Variants in DNAH9 observed in about 807,000 individuals in gnomAD.
DNAH9 encodes DNAH9 variant protein.
Under a neutral mutation model 471.6 loss-of-function variants are expected in DNAH9, and 345 were observed. The observed-to-expected ratio is 0.73, with a 90% confidence interval of 0.67 to 0.80. DNAH9 has a LOEUF of 0.80. Among genes scored for constraint, DNAH9 ranks in the 30% least tolerant of loss-of-function variants. The pLI is 0.00. For synonymous variants in DNAH9, 2,093 were observed against 2,123.6 expected (o/e 0.99, Z 0.40); for missense variants, 5,407 against 5,609.2 (o/e 0.96, Z 1.15).
rs377230182 is a variant in DNAH9, at chr17:11,934,005, A to G, written c.12423A>G (p.Glu4141=). Reference sequence around the variant, plus strand: ...AATTCATTCGACCAGAAATGTTAGAAGGAGAACTGTCTTTGGCCCCAGGGT... The same window carrying G: ...AATTCATTCGACCAGAAATGTTAGAGGGAGAACTGTCTTTGGCCCCAGGGT... ...LGEFIRPEML[E]GELSLAPGFP... Residue 4141 remains glutamate, a synonymous_variant, in exon 65 of 69, where the codon GAA becomes GAG. Transcript: ENST00000262442. 2.5e-6 allele frequency: 4 copies of G among 1,614,000 alleles called. No homozygotes were observed. The African/African-American group carries it at 5.3e-5, about 22-fold the overall frequency.
intron 38 of DNAH9, among the ~76,000 whole-genome samples, chr17:11,771,968 A>C (rs1366243514): frequency 6.6e-6 from 1 of 152,202 alleles, no homozygotes; most frequent in African/African-American, 2.4e-5. Context: ...GGCACAGAGA[A>C]GTTAAACAAG....
At position 11,937,226 on chromosome 17, in the gene DNAH9, G is replaced by T. The variant is rs915497839; in HGVS notation, c.12490-126G>T. 2.2e-5 allele frequency: 26 copies of T among 1,182,810 alleles called. No individual in the cohort carries two copies. The African/African-American group carries it at 3.7e-4, about 17-fold the overall frequency. 73.3% of individuals were successfully genotyped at this position (1,182,810 alleles called of 1,614,324 possible). On this transcript the variant is annotated intron_variant, in intron 65 of 68. Transcript: ENST00000262442. The surrounding 1 kb of genome is among the most constrained non-coding windows in gnomAD (Gnocchi z 4.1). ...GGAGAGGGTGATGAAGTCAACCAGG[G>T]ATGGTGAGCAGTGTCCCCTGGAGGA...
At chr17:11,738,835 TAA>T in intron 28 of DNAH9, 43 bp from the exon 29 acceptor site, 1 of 1,590,914 alleles carries the variant, frequency 6.3e-7, no homozygotes, top group Non-Finnish European at 8.6e-7. Context: ...ATCCCTCCAC[TAA>T]AAGGCAATTG....
Position 11,598,843 on chromosome 17 carries a change from C to G in DNAH9, c.345C>G (p.Ser115Arg). ...GGCCCGAGCCTCCAGGGCCCGACAG[C>G]TTCCGCGGCGCAGTGGTCTGCGGGG... ...RTGPEPPGPD[S>R]FRGAVVCGDL... is the part of the protein sequence containing the mutation. The change falls in exon 1 of 69, where the codon AGC becomes AGG. Residue 115 changes from serine (S) to arginine (R), a missense_variant. By Grantham distance (110) the Ser-to-Arg change is moderately radical. Around this residue, in one of 3 missense-constraint regions of DNAH9, gnomAD observed 767 missense variants for 692.5 expected, o/e 1.11. Coordinates refer to ENST00000262442, the MANE Select transcript of DNAH9 (RefSeq NM_001372.4). The G allele has an allele frequency of 1.3e-6, 2 of 1,523,168 alleles. No individual in the cohort carries two copies. The highest frequency in any genetic ancestry group is 1.8e-6 in the Non-Finnish European group (2 of 1,140,560). 94.4% of individuals were successfully genotyped at this position (1,523,168 alleles called of 1,614,324 possible).
At chr17:11,901,139 C>CAGGGTG (rs1973397054) in intron 59 of DNAH9, among the ~76,000 whole-genome samples, 1 of 152,144 alleles carries the variant, frequency 6.6e-6, no homozygotes, top group Admixed American at 6.5e-5. Context: ...GGGGTGGGGC[C>CAGGGTG]AGGGTGAGGG....
In DNAH9 at chr17:11,669,538, C is replaced by T; in HGVS notation, c.3097C>T (p.His1033Tyr). 2 of 1,614,152 alleles carry T rather than the reference C, an allele frequency of 1.2e-6. 1 individual carries two copies. The highest frequency in any genetic ancestry group is 2.2e-5 in the South Asian group (2 of 91,072). The change falls in exon 17 of 69, where the codon CAC (histidine) becomes TAC (tyrosine). Residue 1033 changes from histidine (H) to tyrosine (Y), a missense_variant. His to Tyr is a moderately conservative substitution (Grantham distance 83). Coordinates refer to ENST00000262442, the MANE Select transcript of DNAH9 (RefSeq NM_001372.4). ...EVLGQFLLYG[H>Y]ILTPEEIEDH... is the part of the protein sequence containing the mutation. ...TCTGGGTCAGTTTCTGCTGTACGGG[C>T]ACATCCTCACTCCGGAAGAAATTGA...
chr17:11,853,636 A>G (rs57569711), intron 49 of DNAH9, among the ~76,000 whole-genome samples: 1 of 152,244 alleles, frequency 6.6e-6, no homozygotes, highest in Non-Finnish European at 1.5e-5. Context: ...CTTCAATCCA[A>G]GATGGAAATT....
chr17:11,723,772 A>G (rs1459352098), intron 27 of DNAH9, among the ~76,000 whole-genome samples: 1 of 151,706 alleles, frequency 6.6e-6, no homozygotes, highest in African/African-American at 2.4e-5. Context: ...GGTTCACGTC[A>G]TTCTCCTGCC....
chr17:11,884,982 C>T (rs77251616), intron 56 of DNAH9, among the ~76,000 whole-genome samples: 5,028 of 151,882 alleles, frequency 0.033, 278 homozygotes, highest in African/African-American at 0.11. Flanking sequence ...TGCTGTGTGC[C>T]GAGGGTTGTA....
At chr17:11,823,929 CAA>C (rs369941815) in intron 48 of DNAH9, among the ~76,000 whole-genome samples, 11 of 128,610 alleles carry the variant, frequency 8.6e-5, no homozygotes, top group Non-Finnish European at 1.0e-4. Flanking sequence ...GACTCCATCT[CAA>C]AAAAAAAAAA....
intron 49 of DNAH9, among the ~76,000 whole-genome samples, chr17:11,842,636 G>A (rs939683528): frequency 3.9e-5 from 6 of 152,192 alleles, no homozygotes; most frequent in African/African-American, 1.4e-4. Context: ...AGAGTCCAAA[G>A]CCTGAAGAAC....
rs1169616506 is a variant in DNAH9 at position 11,619,676 on chromosome 17, C to T, written c.1245C>T (p.Leu415=). 2 of 1,613,874 alleles carry T rather than the reference C, an allele frequency of 1.2e-6. No homozygotes were observed. The highest frequency in any genetic ancestry group is 1.1e-5 in the South Asian group (1 of 91,074). Residue 415 remains leucine, a synonymous_variant, in exon 6 of 69, where the codon CTC becomes CTT. Coordinates refer to ENST00000262442, the MANE Select transcript of DNAH9 (RefSeq NM_001372.4). ...AGTTTCAGGACAGAAGGGAGAATCT[C>T]CACACTTACTTCAAAGAGAACCAGG... ...KQEFQDRREN[L]HTYFKENQEV...
At position 11,783,642 on chromosome 17, in the gene DNAH9, C is replaced by T; in HGVS notation, c.7719-4C>T. 6.2e-7 allele frequency: 1 copy of T among 1,612,844 alleles called. No individual in the cohort carries two copies. Among genetic ancestry groups the T allele is most frequent in the East Asian group, 2.2e-5 (1 of 44,858 alleles). On this transcript the variant is annotated splice_region_variant and splice_polypyrimidine_tract_variant and intron_variant, in intron 39 of 68. Transcript: ENST00000262442. ...CTTTCACCTAGAGCTTCTGACTGTT[C>T]CAGGTATGATCGGAGCAAGCTGTCC...
intron 59 of DNAH9, among the ~76,000 whole-genome samples, chr17:11,898,917 G>A (rs958838611): frequency 6.6e-6 from 1 of 152,086 alleles, no homozygotes; most frequent in African/African-American, 2.4e-5. Flanking sequence ...TTGCTTTTTT[G>A]TTTTGTTTTG....
chr17:11,887,165 G>A (rs1333981101), intron 57 of DNAH9, among the ~76,000 whole-genome samples, 200 bp downstream of exon 57: 1 of 152,110 alleles, frequency 6.6e-6, no homozygotes, highest in Non-Finnish European at 1.5e-5. Flanking sequence ...TGACTCACGG[G>A]TAATTTTGAC....
intron 14 of DNAH9, among the ~76,000 whole-genome samples, chr17:11,662,238 T>C (rs933927433): frequency 3.3e-5 from 5 of 152,198 alleles, no homozygotes; most frequent in Admixed American, 6.5e-5. Context: ...TAGATTCTTT[T>C]TTAATCTTTG....
chr17:11,756,051 C>T (rs183615981), intron 33 of DNAH9, among the ~76,000 whole-genome samples: 22 of 152,048 alleles, frequency 1.4e-4, no homozygotes, highest in South Asian at 4.2e-4. Flanking sequence ...CTGAGGTGGG[C>T]GGATCACGAG....
chr17:11,869,942 C>T (rs1293302273), intron 51 of DNAH9, among the ~76,000 whole-genome samples: 1 of 152,206 alleles, frequency 6.6e-6, no homozygotes, highest in Non-Finnish European at 1.5e-5. Context: ...GGTGGCCGGG[C>T]TGGAGGCCCC....
intron 38 of DNAH9, among the ~76,000 whole-genome samples, chr17:11,771,080 C>T (rs182002935): frequency 4.9e-4 from 74 of 152,230 alleles, no homozygotes; most frequent in Admixed American, 1.7e-3. Context: ...TATTTATTAC[C>T]ATGATTTTCA....
Sources: gnomAD v4.1 joint callset for allele counts (sites outside exome capture counted in the v4.1 genomes callset) on GRCh38, gnomAD v4.1.1 for gene constraint, gnomAD v4.1.1 regional missense constraint, Gnocchi (gnomAD v3.1) non-coding constraint, MANE v1.5 for transcripts, NCBI Gene and HGNC (gene_info 2026-07-23, HGNC 2026-07-21) for gene names.